ERP44: variants seen among roughly 807,000 people sequenced by gnomAD.
ERP44 encodes endoplasmic reticulum resident protein 44.
Under a neutral mutation model 53.4 loss-of-function variants are expected in ERP44, and 25 were observed. That is an observed-to-expected ratio of 0.47 (90% CI 0.34 to 0.65). The LOEUF (loss-of-function observed/expected upper bound fraction) is 0.65. Among genes scored for constraint, ERP44 ranks in the 30% least tolerant of loss-of-function variants. The probability of loss-of-function intolerance (pLI) is 0.01; values close to 1 mark genes in which losing one functional copy is unlikely to be tolerated. For synonymous variants in ERP44, 145 were observed against 161.2 expected, an observed-to-expected ratio of 0.90 and a Z score of 0.76; for missense variants, 338 against 493.2, an observed-to-expected ratio of 0.69 and a Z score of 2.98.
chr9:100,007,799 T>TA, intron 8 of ERP44, 110 bp from the exon 9 acceptor site: 1 of 692,832 alleles, frequency 1.4e-6, no homozygotes, highest in South Asian at 1.6e-5. Context: ...ATAGTTGCAA[T>TA]ATCCCGGGGG....
At chr9:100,037,512 T>C (rs1189583131) in intron 4 of ERP44, among the ~76,000 whole-genome samples, 1 of 152,110 alleles carries the variant, frequency 6.6e-6, no homozygotes, top group Admixed American at 6.6e-5. Context: ...CCAACCAGGA[T>C]GGCTTAAGGG....
chr9:100,065,690 T>C (rs2118725119), intron 1 of ERP44, among the ~76,000 whole-genome samples: 1 of 152,272 alleles, frequency 6.6e-6, no homozygotes. Flanking sequence ...TATATTACAT[T>C]AGTGGATAAA....
At chr9:100,010,773 C>T (rs763826849) in intron 8 of ERP44, among the ~76,000 whole-genome samples, 15 of 151,718 alleles carry the variant, frequency 9.9e-5, no homozygotes, top group East Asian at 1.9e-4. Context: ...TGGTGGTGGG[C>T]GCCTGTAATC....
At chr9:99,987,044 TTA>T (rs1287220025) in intron 10 of ERP44, among the ~76,000 whole-genome samples, 1 of 152,206 alleles carries the variant, frequency 6.6e-6, no homozygotes, top group Non-Finnish European at 1.5e-5. Context: ...AAGAAATAAT[TTA>T]TGATTAAATC....
At chr9:100,004,081 A>G (rs565258103) in intron 10 of ERP44, among the ~76,000 whole-genome samples, 2 of 151,652 alleles carry the variant, frequency 1.3e-5, no homozygotes, top group South Asian at 2.1e-4. Flanking sequence ...GGCTGGCTGA[A>G]AGCCTAGAGC....
chr9:100,013,882 T>C (rs1357038442), intron 8 of ERP44, among the ~76,000 whole-genome samples: 2 of 152,208 alleles, frequency 1.3e-5, no homozygotes, highest in African/African-American at 4.8e-5. Flanking sequence ...AGTCAAAATC[T>C]GGAAGCAGTC....
At chr9:99,985,099 TG>T in intron 10 of ERP44, 30 bp from the exon 11 acceptor site, 1 of 1,430,200 alleles carries the variant, frequency 7.0e-7, no homozygotes, top group Non-Finnish European at 9.8e-7. Context: ...AAATGTAAAC[TG>T]TTAAAATGGA....
chr9:100,024,509 A>T (rs1013738452), intron 4 of ERP44, among the ~76,000 whole-genome samples: 1 of 151,548 alleles, frequency 6.6e-6, no homozygotes, highest in African/African-American at 2.4e-5. Context: ...ACCCACAAAA[A>T]AAAAACACCA....
At chr9:100,083,215 C>T (rs959168487) in intron 1 of ERP44, among the ~76,000 whole-genome samples, 1 of 151,934 alleles carries the variant, frequency 6.6e-6, no homozygotes, top group African/African-American at 2.4e-5. Context: ...ATGCTATTCA[C>T]TGTAATATTA....
intron 4 of ERP44, among the ~76,000 whole-genome samples, chr9:100,027,906 CA>C (rs899644714): frequency 5.7e-4 from 86 of 152,072 alleles, no homozygotes; most frequent in African/African-American, 2.0e-3. Flanking sequence ...TCAAAACAAA[CA>C]AAAAAACCCC....
In ERP44 at chr9:99,982,544, A is replaced by C; in HGVS notation, c.*68T>G. The stretch of plus-strand genomic sequence containing the variant: ...AATACACATAGAATTATGAAAATAT[A>C]GGTTTACTATTTCCACCACGTAGGT... On this transcript the variant is annotated 3_prime_UTR_variant, in exon 12 of 12. Transcript: ENST00000262455. 2 of 688,008 alleles carry C rather than the reference A, an allele frequency of 2.9e-6. No homozygotes were observed. Among genetic ancestry groups the C allele is most frequent in the East Asian group, 6.1e-5 (2 of 32,532 alleles). The allele number at this position is 688,008 out of a possible 1,614,324, so 42.6% of individuals were successfully genotyped here.
chr9:100,037,295 C>T (rs1424289793), intron 4 of ERP44, among the ~76,000 whole-genome samples: 1 of 152,098 alleles, frequency 6.6e-6, no homozygotes, highest in Non-Finnish European at 1.5e-5. Context: ...TTTAAACTAG[C>T]CCAAGCCAGA....
At chr9:99,992,820 C>A (rs1306044553) in intron 10 of ERP44, among the ~76,000 whole-genome samples, 1 of 152,226 alleles carries the variant, frequency 6.6e-6, no homozygotes, top group Admixed American at 6.5e-5. Flanking sequence ...TCAGCAAAGT[C>A]TTGGGATACA....
intron 1 of ERP44, among the ~76,000 whole-genome samples, chr9:100,061,523 G>A (rs1203376275): frequency 7.4e-6 from 1 of 135,730 alleles, no homozygotes; most frequent in Non-Finnish European, 1.5e-5. Context: ...TATATTTATA[G>A]AAACGTATAT....
At chr9:100,077,180 C>T (rs966043678) in intron 1 of ERP44, among the ~76,000 whole-genome samples, 1 of 152,214 alleles carries the variant, frequency 6.6e-6, no homozygotes, top group Non-Finnish European at 1.5e-5. Context: ...AATGCTTCTG[C>T]CAAGACTACC....
intron 1 of ERP44, among the ~76,000 whole-genome samples, chr9:100,077,534 T>C (rs1443299924): frequency 1.3e-5 from 2 of 152,190 alleles, no homozygotes; most frequent in African/African-American, 4.8e-5. Context: ...GGGGTGGAAG[T>C]GGCACCACTC....
chr9:100,033,695 G>GT (rs911011149), intron 4 of ERP44, among the ~76,000 whole-genome samples: 6 of 152,126 alleles, frequency 3.9e-5, no homozygotes, highest in African/African-American at 2.4e-5. Context: ...TGTTTTTGAG[G>GT]TTTTTTCTGC....
rs189235348 is a variant in ERP44 at position 99,998,338 on chromosome 9, G to C, written c.1016+8168C>G. The C allele has an allele frequency of 3.0e-3, 1,616 of 536,490 alleles. 14 individuals are homozygous for C. The highest frequency in any genetic ancestry group is 5.8e-3 in the South Asian group (289 of 49,976). The allele number at this position is 536,490 out of a possible 1,614,324, so 33.2% of individuals were successfully genotyped here. A position where few individuals can be genotyped will look rare whatever the true frequency, so the allele number is the denominator to read the frequency against. On this transcript the variant is annotated intron_variant, in intron 10 of 11. Coordinates refer to ENST00000262455, the MANE Select transcript of ERP44 (RefSeq NM_015051.3). ...TTCCCTGTTCTCAGGATCTGTCCCC[G>C]AACCTTTTGCCTTGCAGTTCCTCCC...
chr9:100,079,793 G>C (rs1464326953), intron 1 of ERP44, among the ~76,000 whole-genome samples: 2 of 151,740 alleles, frequency 1.3e-5, no homozygotes, highest in African/African-American at 4.8e-5. Flanking sequence ...AAATTAACTG[G>C]GCATAGTGGT....
Sources: gnomAD v4.1 joint callset for allele counts (sites outside exome capture counted in the v4.1 genomes callset) on GRCh38, gnomAD v4.1.1 for gene constraint, MANE v1.5 for transcripts, NCBI Gene and HGNC (gene_info 2026-07-23, HGNC 2026-07-21) for gene names.